The following RNF213 variants were observed in gnomAD, a reference collection of about 807,000 sequenced individuals.
The protein encoded by RNF213 is E3 ubiquitin-protein ligase RNF213.
Under a neutral mutation model 514.4 loss-of-function variants are expected in RNF213, and 341 were observed. The ratio of observed to expected loss-of-function variants is 0.66; its 90% CI spans 0.61 to 0.73. The LOEUF is 0.73. RNF213 is among the 30% of genes least tolerant of loss of function. The pLI is 0.00. For missense variants in RNF213, 5,767 were observed against 6,615.6 expected, an observed-to-expected ratio of 0.87 and a Z score of 4.45; for synonymous variants, 2,655 against 2,658.2, an observed-to-expected ratio of 1.00 and a Z score of 0.04.
At chr17:80,276,572 C>G (rs74256841) in intron 3 of RNF213, among the ~76,000 whole-genome samples, 1 of 151,848 alleles carries the variant, frequency 6.6e-6, no homozygotes, top group African/African-American at 2.4e-5. Context: ...AGGCCAGGCG[C>G]GGTGGCTCAC....
In RNF213 at chr17:80,386,704, C is replaced by T. The variant is rs374064401; in HGVS notation, c.14735C>T (p.Ala4912Val). 11 of 1,614,086 alleles carry T rather than the reference C, an allele frequency of 6.8e-6. No individual in the cohort carries two copies. The highest frequency in any genetic ancestry group is 1.7e-5 in the Admixed American group (1 of 60,014). Reference protein sequence around the residue: ...SKENNSYSVDAAEVTELHVIS... With the variant: ...SKENNSYSVDVAEVTELHVIS... ...CTGCCCCTCAGCTATTCCGTGGATG[C>T]CGCCGAGGTCACTGAACTGCATGTC... is the stretch of plus-strand genomic sequence containing the variant. The change falls in exon 63 of 68, where the codon GCC (alanine) becomes GTC (valine). Residue 4912 changes from alanine to valine, a missense_variant. Physicochemically the swap from Ala to Val is moderately conservative, Grantham distance 64. Coordinates refer to ENST00000582970, the MANE Select transcript of RNF213 (RefSeq NM_001256071.3).
At chr17:80,277,415 T>C (rs1035020738) in intron 3 of RNF213, among the ~76,000 whole-genome samples, 5 of 151,946 alleles carry the variant, frequency 3.3e-5, no homozygotes, top group Non-Finnish European at 7.4e-5. Flanking sequence ...CTGACCAACA[T>C]GGGGAAACCC....
chr17:80,281,010 T>C lies in RNF213; in HGVS notation c.262-6805T>C, dbSNP rs556097590. Reference sequence around the variant, plus strand: ...GTATACACGGGTGTGGAAAGTGGGGTGTCTAGACCATGGGCTCAGCATTTG... The same window carrying C: ...GTATACACGGGTGTGGAAAGTGGGGCGTCTAGACCATGGGCTCAGCATTTG... On this transcript the variant is annotated intron_variant, in intron 3 of 67. Transcript: ENST00000582970. Among the ~76,000 whole-genome samples the C allele has an allele frequency of 1.4e-4, 21 of 151,186 alleles. No homozygotes were observed. The South Asian group carries it at 3.5e-3, about 26-fold the overall frequency.
intron 58 of RNF213, among the ~76,000 whole-genome samples, chr17:80,383,451 G>T (rs1010389248): frequency 1.3e-5 from 2 of 152,218 alleles, no homozygotes; most frequent in East Asian, 3.8e-4. Flanking sequence ...CAGAATGTTA[G>T]TAAGAGAAAT....
chr17:80,343,215 C>T lies in RNF213; in HGVS notation c.6073C>T (p.Leu2025=). The T allele has an allele frequency of 1.2e-6, 2 of 1,614,080 alleles. No individual in the cohort carries two copies. The highest frequency in any genetic ancestry group is 1.7e-6 in the Non-Finnish European group (2 of 1,179,954). Residue 2025 remains leucine, a synonymous_variant, in exon 27 of 68, where the codon CTG becomes TTG. Transcript: ENST00000582970. The surrounding 1 kb of genome is among the most constrained non-coding windows in gnomAD (Gnocchi z 4.3). ...AAATGTGCCTCTGAAAACAATTCGA[C>T]TGATCGACCCTCAGGTGGATGAGAG... ...VKNVPLKTIR[L]IDPQVDESRV...
Position 80,348,293 on chromosome 17 carries a change from G to A in RNF213, c.9951+7G>A. 6.2e-7 allele frequency: 1 copy of A among 1,610,326 alleles called. No individual in the cohort carries two copies. The highest frequency in any genetic ancestry group is 2.2e-5 in the East Asian group (1 of 44,892). On this transcript the variant is annotated splice_region_variant and intron_variant, in intron 29 of 67. Transcript: ENST00000582970. ...CCACGCCATCTTCACAGAGGTGATT[G>A]TCTTTCTGCACTTGTACCCTATCCC...
At chr17:80,357,699 C>T (rs758913142) in intron 36 of RNF213, among the ~76,000 whole-genome samples, 15 of 152,150 alleles carry the variant, frequency 9.9e-5, no homozygotes, top group Non-Finnish European at 1.5e-4. Flanking sequence ...CAGATAAGTG[C>T]GGTGGCTCAC....
intron 67 of RNF213, among the ~76,000 whole-genome samples, chr17:80,390,737 G>A (rs1179960528): frequency 6.6e-6 from 1 of 152,106 alleles, no homozygotes; most frequent in African/African-American, 2.4e-5. Flanking sequence ...AGTAGACTAT[G>A]TCAAAGAGAG....
chr17:80,340,017 C>G lies in RNF213; in HGVS notation c.5650C>G (p.Leu1884Val). 1.9e-6 allele frequency: 3 copies of G among 1,542,172 alleles called. No individual in the cohort carries two copies. Among genetic ancestry groups the G allele is most frequent in the Non-Finnish European group, 2.6e-6 (3 of 1,148,526 alleles). ...VALLLRRCLTLGSLGHKVYSL... is the reference protein window; with the variant it reads ...VALLLRRCLTVGSLGHKVYSL... ...ACTGTTGCTGCGCCGCTGCCTGACC[C>G]TGGGCTCCCTGGGGCACAAGGTCTA... Residue 1884 changes from leucine to valine, a missense_variant, in exon 26 of 68, where the codon CTG (leucine) becomes GTG (valine). Leu to Val is a conservative substitution (Grantham distance 32). Transcript: ENST00000582970.
chr17:80,290,874 A>G, intron 7 of RNF213, 146 bp downstream of exon 7: 2 of 917,926 alleles, frequency 2.2e-6, no homozygotes, highest in Non-Finnish European at 1.7e-6. Context: ...TGGTGGCACC[A>G]TCTCAGCTCA....
At chr17:80,342,748 A>ATATATATATATATTATATATAT (rs2078196270) in intron 26 of RNF213, among the ~76,000 whole-genome samples, 2 of 145,100 alleles carry the variant, frequency 1.4e-5, no homozygotes, top group African/African-American at 5.1e-5. Context: ...TATATATTGT[A>ATATATATATATATTATATATAT]TGTATATATA....
At chr17:80,302,348 T>A (rs545618914) in intron 11 of RNF213, among the ~76,000 whole-genome samples, 1 of 152,360 alleles carries the variant, frequency 6.6e-6, no homozygotes, top group South Asian at 2.1e-4. Flanking sequence ...GTACACATTA[T>A]ACACTGTATG....
Position 80,287,807 on chromosome 17 carries a change from C to T in RNF213, c.262-8C>T, listed in dbSNP as rs1568013712. ...AGAAATAAAGTGAGTGTCTCTCTTT[C>T]TGTTTAGAGCAAAAAGAAGAAAAGG... On this transcript the variant is annotated splice_region_variant and splice_polypyrimidine_tract_variant and intron_variant, in intron 3 of 67. Transcript: ENST00000582970. 6.2e-7 allele frequency: 1 copy of T among 1,613,386 alleles called. No homozygotes were observed. The highest frequency in any genetic ancestry group is 8.5e-7 in the Non-Finnish European group (1 of 1,179,480).
Position 80,380,853 on chromosome 17 carries a change from A to C in RNF213, c.13663A>C (p.Thr4555Pro). Residue 4555 changes from threonine (T) to proline (P), a missense_variant, in exon 56 of 68, where the codon ACC (threonine) becomes CCC (proline). Around this residue, in one of 13 missense-constraint regions of RNF213, gnomAD observed 1,245 missense variants for 1,339.0 expected, o/e 0.93. Transcript: ENST00000582970. ...LVKDKADRTQ[T>P]GHVLGNPQRR... is the part of the protein sequence containing the mutation. ...CAGAGACAAGGCAGACAGAACGCAG[A>C]CCGGCCACGTGCTGGGCAACCCGCA... The C allele has an allele frequency of 6.2e-7, 1 of 1,614,204 alleles. No individual in the cohort carries two copies. The highest frequency in any genetic ancestry group is 1.1e-5 in the South Asian group (1 of 91,074).
In RNF213 at chr17:80,377,260, A is replaced by G. The variant is rs913296354; in HGVS notation, c.13510+297A>G. The G allele has an allele frequency of 4.7e-5, 22 of 463,516 alleles. No individual in the cohort carries two copies. Among genetic ancestry groups the G allele is most frequent in the African/African-American group, 3.9e-4 (20 of 50,956 alleles). The allele number at this position is 463,516 out of a possible 1,614,324, so 28.7% of individuals were successfully genotyped here. On this transcript the variant is annotated intron_variant, in intron 53 of 67. Transcript: ENST00000582970. The surrounding 1 kb of genome is among the most constrained non-coding windows in gnomAD (Gnocchi z 4.1). ...GAAGGGAGGGACTGGGAACCACATC[A>G]GAGACGCATTCAAAGGCCCACCACA...
chr17:80,345,645 G>T lies in RNF213; in HGVS notation c.7310G>T (p.Arg2437Leu), dbSNP rs367681353. 3 of 1,614,162 alleles carry T rather than the reference G, an allele frequency of 1.9e-6. No individual in the cohort carries two copies. The South Asian group carries it at 3.3e-5, about 18-fold the overall frequency. ...CTTATTAAATTCCTTAGCGACCTGC[G>T]GCGTGGTGGTACCAATGCTGACACC... is the stretch of plus-strand genomic sequence containing the variant. ...TRLIKFLSDL[R>L]RGGTNADTIK... Residue 2437 changes from arginine to leucine, a missense_variant, in exon 29 of 68, where the codon CGG (arginine) becomes CTG (leucine). By Grantham distance (102) the Arg-to-Leu change is moderately radical. Transcript: ENST00000582970. The surrounding 1 kb of genome is among the most constrained non-coding windows in gnomAD (Gnocchi z 6.0).
chr17:80,336,825 C>G, intron 23 of RNF213: 2 of 318,694 alleles, frequency 6.3e-6, no homozygotes, highest in South Asian at 5.2e-5. Context: ...TGCTTGAACC[C>G]GGGAGGCAGA....
chr17:80,288,481 T>G lies in RNF213; in HGVS notation c.810+118T>G. 24 of 1,593,986 alleles carry G rather than the reference T, an allele frequency of 1.5e-5. No homozygotes were observed. The highest frequency in any genetic ancestry group is 2.1e-5 in the Non-Finnish European group (24 of 1,166,820). On this transcript the variant is annotated intron_variant, in intron 4 of 67. Transcript: ENST00000582970. This position sits in a 1 kb window ranked among gnomAD's most constrained non-coding sequence, Gnocchi z 4.9. ...GGGAGGGGCGTCCTCTGGGCCCTGC[T>G]CCCTGGGTGGGAGTCGGAGGGCTGC...
intron 2 of RNF213, among the ~76,000 whole-genome samples, chr17:80,268,159 T>C (rs557843046): frequency 2.0e-5 from 3 of 152,028 alleles, no homozygotes; most frequent in Admixed American, 1.3e-4. Flanking sequence ...TGTTCCATTA[T>C]GTATATGTAC....
Sources: allele counts gnomAD v4.1 joint callset (sites outside exome capture counted in the v4.1 genomes callset), GRCh38; gene constraint gnomAD v4.1.1; regional missense constraint gnomAD v4.1.1; non-coding constraint Gnocchi (gnomAD v3.1); transcripts MANE v1.5; gene names NCBI Gene and HGNC (gene_info 2026-07-23, HGNC 2026-07-21).